VWA2: variants seen among roughly 807,000 people sequenced by gnomAD.
VWA2 encodes von Willebrand factor A domain containing 2.
In VWA2, 73 loss-of-function variants were observed where a neutral mutation model predicts 70.4. The ratio of observed to expected loss-of-function variants is 1.04; its 90% CI spans 0.86 to 1.26. The LOEUF (loss-of-function observed/expected upper bound fraction) is 1.26. Among genes scored for constraint, VWA2 ranks in the 50% most tolerant of loss-of-function variants. The pLI is 0.00. For synonymous variants in VWA2, 407 were observed against 423.3 expected (o/e 0.96, Z 0.47); for missense variants, 1,011 against 998.5 (o/e 1.01, Z -0.17).
chr10:114,246,528 A>AAAAAAAAAAAAAAAAAAAAGT, intron 1 of VWA2: 1 of 735,250 alleles, frequency 1.4e-6, no homozygotes, highest in Non-Finnish European at 2.2e-6. Flanking sequence ...AAAAAAAACG[A>AAAAAAAAAAAAAAAAAAAAGT]GTATCATGGG....
At chr10:114,246,955 G>A (rs900841669) in intron 1 of VWA2, among the ~76,000 whole-genome samples, 2 of 152,152 alleles carry the variant, frequency 1.3e-5, no homozygotes, top group Non-Finnish European at 2.9e-5. Context: ...ATACTGGTTC[G>A]TAATCTGGAG....
In VWA2 at chr10:114,293,715, C is replaced by T. The variant is rs558623610; in HGVS notation, c.*2478C>T. Among the ~76,000 whole-genome samples the T allele has an allele frequency of 9.8e-4, 149 of 152,236 alleles. 2 individuals are homozygous for T. The highest frequency in any genetic ancestry group is 5.4e-3 in the Admixed American group (83 of 15,300). ...CATAAATTTCCTTATTTTCTCTGAA[C>T]GATCCTGATTCCAGTCATCTTGTTG... On this transcript the variant is annotated 3_prime_UTR_variant, in exon 14 of 14. Coordinates refer to ENST00000392982, the MANE Select transcript of VWA2 (RefSeq NM_001272046.2).
At position 114,291,243 on chromosome 10, in the gene VWA2, A is replaced by C. The variant is rs1370105381; in HGVS notation, c.*6A>C. The C allele has an allele frequency of 6.5e-7, 1 of 1,550,214 alleles. No homozygotes were observed. Among genetic ancestry groups the C allele is most frequent in the Non-Finnish European group, 8.7e-7 (1 of 1,146,830 alleles). On this transcript the variant is annotated 3_prime_UTR_variant, in exon 14 of 14. Coordinates refer to ENST00000392982, the MANE Select transcript of VWA2 (RefSeq NM_001272046.2). ...GATTCTTGAGACGCCCCTGAGGCAC[A>C]TGGCTCCCGTGCAGGAGGGCAGCAG...
chr10:114,286,577 C>T, intron 11 of VWA2, 66 bp downstream of exon 11: 1 of 1,385,140 alleles, frequency 7.2e-7, no homozygotes, highest in South Asian at 1.4e-5. Flanking sequence ...TTTTGGCCAC[C>T]ACCTAACCAT....
At chr10:114,274,800 T>C (rs1452796491) in intron 6 of VWA2, among the ~76,000 whole-genome samples, 1 of 152,070 alleles carries the variant, frequency 6.6e-6, no homozygotes, top group African/African-American at 2.4e-5. Flanking sequence ...TGGCGTTGGC[T>C]TAGGATATGT....
chr10:114,281,857 T>C (rs1012164949), intron 8 of VWA2: 6 of 613,176 alleles, frequency 9.8e-6, no homozygotes, highest in Admixed American at 6.3e-5. Flanking sequence ...AACATGTCTG[T>C]GGTCACACAG....
chr10:114,272,952 C>G lies in VWA2; in HGVS notation c.566+18C>G, dbSNP rs1169696949. ...TTTCCCAGGTAAGAGCCTCAGTCACCCTGGATCAGCCCTCAGGTGGTCAGC... is the reference window on the plus strand; with the variant it reads ...TTTCCCAGGTAAGAGCCTCAGTCACGCTGGATCAGCCCTCAGGTGGTCAGC... On this transcript the variant is annotated intron_variant, in intron 6 of 13. Coordinates refer to ENST00000392982, the MANE Select transcript of VWA2 (RefSeq NM_001272046.2). The G allele has an allele frequency of 2.3e-5, 36 of 1,598,104 alleles. No individual in the cohort carries two copies. The highest frequency in any genetic ancestry group is 4.0e-5 in the African/African-American group (3 of 74,674).
At chr10:114,266,546 C>T (rs537476557) in intron 5 of VWA2, among the ~76,000 whole-genome samples, 2 of 152,194 alleles carry the variant, frequency 1.3e-5, no homozygotes, top group East Asian at 3.9e-4. Flanking sequence ...GTGAAGAAAC[C>T]ACTCTGACAA....
At chr10:114,260,617 G>T (rs1467295900) in intron 4 of VWA2, among the ~76,000 whole-genome samples, 1 of 152,194 alleles carries the variant, frequency 6.6e-6, no homozygotes, top group Non-Finnish European at 1.5e-5. Flanking sequence ...GGCTTGTGTG[G>T]GCTGCTGAGA....
chr10:114,280,167 G>T (rs1305458194), intron 8 of VWA2, among the ~76,000 whole-genome samples: 3 of 152,194 alleles, frequency 2.0e-5, no homozygotes, highest in African/African-American at 7.2e-5. Flanking sequence ...AGGTAGATGT[G>T]TTAATATTGC....
chr10:114,254,278 C>T (rs2037271880), intron 3 of VWA2, among the ~76,000 whole-genome samples: 1 of 151,864 alleles, frequency 6.6e-6, no homozygotes, highest in South Asian at 2.1e-4. Context: ...CGCCATGTTA[C>T]CCAGGCTGAT....
In VWA2 at chr10:114,289,190, G is replaced by A. The variant is rs1453065336; in HGVS notation, c.1823G>A (p.Gly608Asp). 2 of 1,613,458 alleles carry A rather than the reference G, an allele frequency of 1.2e-6. No homozygotes were observed. The highest frequency in any genetic ancestry group is 1.7e-6 in the Non-Finnish European group (2 of 1,179,746). Residue 608 changes from glycine (G) to aspartate (D), a missense_variant, in exon 12 of 14, where the codon GGC becomes GAC. By Grantham distance (94) the Gly-to-Asp change is moderately conservative. Transcript: ENST00000392982. ...CAGGCCCCCTACCTAGGTGGGGTGGGCTCAGCCGGCACCGCCCTGCTGCAC... is the reference window on the plus strand; with the variant it reads ...CAGGCCCCCTACCTAGGTGGGGTGGACTCAGCCGGCACCGCCCTGCTGCAC... ...ISQAPYLGGVGSAGTALLHIY... is the reference protein window; with the variant it reads ...ISQAPYLGGVDSAGTALLHIY...
At chr10:114,278,512 A>G (rs1015862439) in intron 7 of VWA2, among the ~76,000 whole-genome samples, 1 of 152,190 alleles carries the variant, frequency 6.6e-6, no homozygotes, top group Non-Finnish European at 1.5e-5. Flanking sequence ...AGCAGAGGAG[A>G]TGCTCAGAGA....
chr10:114,254,495 C>T (rs1024863992), intron 3 of VWA2, among the ~76,000 whole-genome samples: 1 of 152,178 alleles, frequency 6.6e-6, no homozygotes, highest in Non-Finnish European at 1.5e-5. Context: ...CTCTTCCACC[C>T]TCATCAGTAT....
At chr10:114,259,537 T>C (rs182987622) in intron 4 of VWA2, among the ~76,000 whole-genome samples, 22 of 151,852 alleles carry the variant, frequency 1.4e-4, no homozygotes, top group Admixed American at 1.2e-3. Context: ...TTCTAAGTAA[T>C]AGAAAGTAAG....
intron 5 of VWA2, among the ~76,000 whole-genome samples, chr10:114,266,895 C>CT (rs1292069530): frequency 2.0e-5 from 3 of 151,848 alleles, no homozygotes; most frequent in Non-Finnish European, 2.9e-5. Context: ...GCATTTTGTC[C>CT]TTTTTTTTCC....
chr10:114,278,103 C>A, intron 7 of VWA2, 56 bp downstream of exon 7: 1 of 1,575,448 alleles, frequency 6.3e-7, no homozygotes, highest in Non-Finnish European at 8.7e-7. Context: ...GGGGAGGGCT[C>A]CCTGAGGCAA....
chr10:114,292,840 G>A lies in VWA2; in HGVS notation c.*1603G>A, dbSNP rs1204896644. 6.6e-6 allele frequency among the ~76,000 whole-genome samples: 1 copy of A among 151,998 alleles called. No homozygotes were observed. Among genetic ancestry groups the A allele is most frequent in the Non-Finnish European group, 1.5e-5 (1 of 68,010 alleles). On this transcript the variant is annotated 3_prime_UTR_variant, in exon 14 of 14. Coordinates refer to ENST00000392982, the MANE Select transcript of VWA2 (RefSeq NM_001272046.2). Reference sequence around the variant, plus strand: ...CATGCCTCAGCCTCTTGAGTAGCTGGGATTAGAGGCAGGTGCCACCATGCC... The same window carrying A: ...CATGCCTCAGCCTCTTGAGTAGCTGAGATTAGAGGCAGGTGCCACCATGCC...
At chr10:114,281,468 C>A (rs549493075) in intron 8 of VWA2, among the ~76,000 whole-genome samples, 1 of 152,312 alleles carries the variant, frequency 6.6e-6, no homozygotes, top group South Asian at 2.1e-4. Context: ...CCCTCAGAAC[C>A]CATTTCCCTA....
Sources: gnomAD v4.1 joint callset for allele counts (sites outside exome capture counted in the v4.1 genomes callset) on GRCh38, gnomAD v4.1.1 for gene constraint, MANE v1.5 for transcripts, NCBI Gene and HGNC (gene_info 2026-07-23, HGNC 2026-07-21) for gene names.